The following PTN variants were observed in gnomAD, a reference collection of about 807,000 sequenced individuals.
PTN encodes the protein heparin affin regulatory protein.
Under a neutral mutation model 24.1 loss-of-function variants are expected in PTN, and 18 were observed. The observed-to-expected ratio is 0.75, with a 90% CI of 0.52 to 1.11. The LOEUF is 1.11. Ranked by LOEUF, PTN falls within the 50% of genes least tolerant of loss-of-function variation. The pLI is 0.00. For synonymous variants in PTN, 78 were observed against 68.6 expected, an observed-to-expected ratio of 1.14 and a Z score of -0.67; for missense variants, 163 against 198.8, an observed-to-expected ratio of 0.82 and a Z score of 1.08.
At chr7:137,322,352 A>T (rs1810177020) in intron 1 of PTN, among the ~76,000 whole-genome samples, 2 of 152,160 alleles carry the variant, frequency 1.3e-5, no homozygotes, top group Admixed American at 1.3e-4. Flanking sequence ...ATATCAGTTC[A>T]TATAGTTATT....
intron 1 of PTN, among the ~76,000 whole-genome samples, chr7:137,280,983 T>TA (rs1809464800): frequency 6.6e-6 from 1 of 151,710 alleles, no homozygotes; most frequent in African/African-American, 2.4e-5. Flanking sequence ...AAGCCACTAA[T>TA]AACCTTAATG....
At chr7:137,288,409 C>T (rs530076777) in intron 1 of PTN, among the ~76,000 whole-genome samples, 28 of 152,108 alleles carry the variant, frequency 1.8e-4, no homozygotes, top group Non-Finnish European at 3.5e-4. Flanking sequence ...TCTCAGGAGA[C>T]GTGAAACACA....
At chr7:137,228,481 C>G (rs1397599046) in intron 4 of PTN, among the ~76,000 whole-genome samples, 1 of 151,782 alleles carries the variant, frequency 6.6e-6, no homozygotes, top group African/African-American at 2.4e-5. Context: ...ACTACAAGAG[C>G]TCTGCTTAGC....
chr7:137,237,151 A>G (rs1808537042), intron 4 of PTN, among the ~76,000 whole-genome samples: 1 of 152,184 alleles, frequency 6.6e-6, no homozygotes, highest in African/African-American at 2.4e-5. Context: ...TAGTCTTTAC[A>G]GAGGCAATTA....
intron 4 of PTN, among the ~76,000 whole-genome samples, chr7:137,235,065 A>G (rs1371188935): frequency 6.6e-6 from 1 of 152,068 alleles, no homozygotes; most frequent in African/African-American, 2.4e-5. Context: ...GAACAGTTGG[A>G]GGCATACCAT....
At chr7:137,258,915 G>A (rs1808983431) in intron 1 of PTN, among the ~76,000 whole-genome samples, 1 of 151,830 alleles carries the variant, frequency 6.6e-6, no homozygotes, top group South Asian at 2.1e-4. Context: ...TTTTAATCTG[G>A]GGAAAATAAA....
At chr7:137,285,299 A>G (rs1398203877) in intron 1 of PTN, among the ~76,000 whole-genome samples, 2 of 152,210 alleles carry the variant, frequency 1.3e-5, no homozygotes, top group Non-Finnish European at 2.9e-5. Flanking sequence ...TGTGACTATG[A>G]AGCCGGAACT....
chr7:137,323,807 AC>A (rs1276809999), intron 1 of PTN, among the ~76,000 whole-genome samples: 1 of 152,154 alleles, frequency 6.6e-6, no homozygotes, highest in Non-Finnish European at 1.5e-5. Context: ...AGTCTGGGGT[AC>A]TAGCTGAGAA....
chr7:137,242,333 G>C (rs1585007924), intron 4 of PTN, among the ~76,000 whole-genome samples: 1 of 152,156 alleles, frequency 6.6e-6, no homozygotes, highest in Non-Finnish European at 1.5e-5. Context: ...TGGAAAGGAA[G>C]AAAAAGAATT....
intron 1 of PTN, among the ~76,000 whole-genome samples, chr7:137,307,828 G>T (rs1809914585): frequency 1.3e-5 from 2 of 152,140 alleles, no homozygotes; most frequent in Non-Finnish European, 1.5e-5. Context: ...GAAGGGCAGA[G>T]CCAGAGGCAG....
chr7:137,228,191 T>A, intron 4 of PTN, 116 bp from the exon 5 acceptor site: 1 of 688,484 alleles, frequency 1.5e-6, no homozygotes, highest in Non-Finnish European at 2.5e-6. Context: ...ACACAAGTTG[T>A]TTGCTCTTGG....
At chr7:137,253,255 C>G (rs945072850) in intron 3 of PTN, among the ~76,000 whole-genome samples, 3 of 152,142 alleles carry the variant, frequency 2.0e-5, no homozygotes, top group Non-Finnish European at 2.9e-5. Context: ...CGAGTAGAAG[C>G]CAGCGATGCT....
rs1810092320 is a variant in PTN at position 137,317,523 on chromosome 7, T to C, written c.-2+25916A>G. ...CCTGACCACACACATGCGAGTGCCA[T>C]CTTTGGGAAATTCTATAGACTTTGG... is the stretch of plus-strand genomic sequence containing the variant. On this transcript the variant is annotated intron_variant, in intron 1 of 4. Transcript: ENST00000348225. Among the ~76,000 whole-genome samples, 5 of 152,164 alleles carry C rather than the reference T, an allele frequency of 3.3e-5. No individual in the cohort carries two copies. In the South Asian group the frequency reaches 1.0e-3, roughly 31 times the overall value.
intron 1 of PTN, among the ~76,000 whole-genome samples, chr7:137,328,510 C>A (rs760174288): frequency 1.7e-4 from 26 of 152,120 alleles, no homozygotes; most frequent in Non-Finnish European, 3.5e-4. Context: ...ATCCTTTGGT[C>A]CCTATTGTAT....
At chr7:137,302,473 A>G (rs889064197) in intron 1 of PTN, among the ~76,000 whole-genome samples, 1 of 152,036 alleles carries the variant, frequency 6.6e-6, no homozygotes, top group Non-Finnish European at 1.5e-5. Context: ...AGATTAGACA[A>G]AGCAATGAAG....
At chr7:137,341,938 T>C (rs1236936731) in intron 1 of PTN, among the ~76,000 whole-genome samples, 2 of 152,150 alleles carry the variant, frequency 1.3e-5, no homozygotes, top group Admixed American at 1.3e-4. Context: ...ATAACTCATG[T>C]CCCAAAGGAA....
At chr7:137,234,752 G>A (rs1399406978) in intron 4 of PTN, among the ~76,000 whole-genome samples, 1 of 152,010 alleles carries the variant, frequency 6.6e-6, no homozygotes, top group South Asian at 2.1e-4. Context: ...TCAGTAAAAG[G>A]TCTTGCTTTG....
intron 1 of PTN, among the ~76,000 whole-genome samples, chr7:137,278,328 AAAAAAAAAAAT>A (rs1277402610): frequency 1.5e-4 from 23 of 149,996 alleles, no homozygotes; most frequent in Admixed American, 2.0e-4. Context: ...AAAAAAAAAA[AAAAAAAAAAAT>A]GACTACTAAT....
At chr7:137,298,295 A>T (rs1344751732) in intron 1 of PTN, among the ~76,000 whole-genome samples, 1 of 151,920 alleles carries the variant, frequency 6.6e-6, no homozygotes, top group East Asian at 1.9e-4. Context: ...TTTTTCTTTT[A>T]ACTTAGCCAA....
Sources: allele counts gnomAD v4.1 joint callset (sites outside exome capture counted in the v4.1 genomes callset), GRCh38; gene constraint gnomAD v4.1.1; transcripts MANE v1.5; gene names NCBI Gene and HGNC (gene_info 2026-07-23, HGNC 2026-07-21).